The following METTL15 variants were observed in gnomAD, a reference collection of about 807,000 sequenced individuals.
METTL15 encodes the protein 12S rRNA N(4)-cytidine methyltransferase METTL15.
Under a neutral mutation model 38.3 loss-of-function variants are expected in METTL15, and 34 were observed. The observed-to-expected ratio is 0.89, with a 90% confidence interval of 0.68 to 1.18. The LOEUF is 1.18. Among genes scored for constraint, METTL15 ranks in the 50% most tolerant of loss-of-function variants. METTL15 has a pLI of 0.00. For missense variants in METTL15, 438 were observed against 498.4 expected, an observed-to-expected ratio of 0.88 and a Z score of 1.15; for synonymous variants, 162 against 170.9, an observed-to-expected ratio of 0.95 and a Z score of 0.41.
At chr11:28,129,876 T>C (rs186199483) in intron 3 of METTL15, among the ~76,000 whole-genome samples, 16 of 152,278 alleles carry the variant, frequency 1.1e-4, no homozygotes, top group African/African-American at 3.1e-4. Flanking sequence ...AGAAGATTTA[T>C]CTTATAATTA....
chr11:28,423,118 A>G (rs1168483589), intron 5 of METTL15, among the ~76,000 whole-genome samples: 1 of 152,040 alleles, frequency 6.6e-6, no homozygotes, highest in Non-Finnish European at 1.5e-5. Flanking sequence ...CACTTATCAG[A>G]GAAACACAAA....
intron 4 of METTL15, among the ~76,000 whole-genome samples, chr11:28,247,835 C>T (rs1854576819): frequency 6.6e-6 from 1 of 152,024 alleles, no homozygotes; most frequent in African/African-American, 2.4e-5. Flanking sequence ...ACTAACAAGT[C>T]AACCAAGGGT....
intron 6 of METTL15, among the ~76,000 whole-genome samples, chr11:28,299,591 C>T (rs1409495489): frequency 6.6e-6 from 1 of 151,988 alleles, no homozygotes; most frequent in Admixed American, 6.6e-5. Flanking sequence ...AGAATCCTAC[C>T]CTCACACAAT....
At chr11:28,184,896 C>T (rs1851437021) in intron 3 of METTL15, among the ~76,000 whole-genome samples, 1 of 151,236 alleles carries the variant, frequency 6.6e-6, no homozygotes, top group African/African-American at 2.4e-5. Context: ...TGCATGTATC[C>T]AAGGAAAATA....
chr11:28,178,465 G>A (rs1851159116), intron 3 of METTL15, among the ~76,000 whole-genome samples: 1 of 151,682 alleles, frequency 6.6e-6, no homozygotes, highest in Non-Finnish European at 1.5e-5. Context: ...CAAAGGTAAC[G>A]TACATTTTAT....
intron 6 of METTL15, among the ~76,000 whole-genome samples, chr11:28,482,638 G>A (rs1258328734): frequency 6.6e-6 from 1 of 152,174 alleles, no homozygotes; most frequent in African/African-American, 2.4e-5. Flanking sequence ...ATGTTTTAGT[G>A]ACTTGGTTAG....
chr11:28,373,102 G>A (rs1456051276), intron 5 of METTL15, among the ~76,000 whole-genome samples: 1 of 152,084 alleles, frequency 6.6e-6, no homozygotes, highest in Admixed American at 6.6e-5. Context: ...TGTCCTTATA[G>A]CAGCATGATT....
At chr11:28,401,572 G>T (rs543514666) in intron 5 of METTL15, among the ~76,000 whole-genome samples, 1 of 151,926 alleles carries the variant, frequency 6.6e-6, no homozygotes, top group South Asian at 2.1e-4. Flanking sequence ...GATGAGGATT[G>T]TAAGCAGCAA....
intron 3 of METTL15, among the ~76,000 whole-genome samples, chr11:28,202,303 T>C (rs1449635524): frequency 6.6e-6 from 1 of 152,096 alleles, no homozygotes; most frequent in Admixed American, 6.6e-5. Context: ...GAAGATAGGA[T>C]GAACTCTGAG....
At chr11:28,230,241 G>A (rs939441801) in intron 4 of METTL15, among the ~76,000 whole-genome samples, 33 of 151,652 alleles carry the variant, frequency 2.2e-4, no homozygotes, top group African/African-American at 7.2e-4. Flanking sequence ...TATAAGTATA[G>A]ACCTATATAT....
At chr11:28,222,442 G>A (rs903591042) in intron 4 of METTL15, among the ~76,000 whole-genome samples, 2 of 152,192 alleles carry the variant, frequency 1.3e-5, no homozygotes, top group African/African-American at 4.8e-5. Context: ...TTTTCCAGGT[G>A]CCGTCTGTCA....
rs148069553 is a variant in METTL15 at position 28,466,879 on chromosome 11, C to G, written c.*424+42515C>G. Among the ~76,000 whole-genome samples the G allele has an allele frequency of 8.9e-3, 1,359 of 152,190 alleles. 23 individuals are homozygous for G. The highest frequency in any genetic ancestry group is 9.4e-3 in the Non-Finnish European group (641 of 68,010). ...TTTTGTCTGGGCAACACATGTAGAG[C>G]CTTCAGTCTGTTGGGGAGGAGGGAG... On this transcript the variant is annotated intron_variant and NMD_transcript_variant, in intron 6 of 7. Coordinates refer to the METTL15 transcript ENST00000532947.
intron 6 of METTL15, among the ~76,000 whole-genome samples, chr11:28,514,648 G>T (rs1019199379): frequency 8.5e-5 from 13 of 152,188 alleles, no homozygotes; most frequent in African/African-American, 3.1e-4. Flanking sequence ...TTCAGAGTGT[G>T]CCTGTCTCTT....
At chr11:28,370,805 G>A (rs944905932) in intron 5 of METTL15, among the ~76,000 whole-genome samples, 1 of 151,866 alleles carries the variant, frequency 6.6e-6, no homozygotes, top group Non-Finnish European at 1.5e-5. Flanking sequence ...CTCTAATAGT[G>A]ATGCTGAACA....
At chr11:28,453,305 G>C (rs559231254) in intron 6 of METTL15, among the ~76,000 whole-genome samples, 72 of 152,194 alleles carry the variant, frequency 4.7e-4, no homozygotes, top group Non-Finnish European at 9.8e-4. Context: ...AAATCCAGCT[G>C]GATTATAGTT....
intron 6 of METTL15, among the ~76,000 whole-genome samples, chr11:28,454,384 T>C (rs188225590): frequency 4.6e-5 from 7 of 152,254 alleles, no homozygotes; most frequent in African/African-American, 1.7e-4. Flanking sequence ...TCAGCTGTAC[T>C]GATATGCTTC....
intron 6 of METTL15, among the ~76,000 whole-genome samples, chr11:28,522,432 CT>C (rs1308060430): frequency 6.6e-6 from 1 of 152,218 alleles, no homozygotes; most frequent in Non-Finnish European, 1.5e-5. Context: ...AGCATTTCCT[CT>C]TGCTTGGCGG....
intron 4 of METTL15, among the ~76,000 whole-genome samples, chr11:28,215,405 A>C (rs1590170337): frequency 6.6e-6 from 1 of 152,026 alleles, no homozygotes; most frequent in Middle Eastern, 3.4e-3. Context: ...TCTATGACCC[A>C]CGTTGGAGAA....
intron 6 of METTL15, among the ~76,000 whole-genome samples, chr11:28,321,321 A>AT (rs1356067809): frequency 6.6e-6 from 1 of 152,204 alleles, no homozygotes; most frequent in African/African-American, 2.4e-5. Flanking sequence ...TCAAATAGCC[A>AT]TAAAAAAAGT....
Sources: gnomAD v4.1 joint callset for allele counts (sites outside exome capture counted in the v4.1 genomes callset) on GRCh38, gnomAD v4.1.1 for gene constraint, MANE v1.5 for transcripts, NCBI Gene and HGNC (gene_info 2026-07-23, HGNC 2026-07-21) for gene names.